PHACTR2: variants seen among roughly 807,000 people sequenced by gnomAD.
PHACTR2 encodes the protein phosphatase and actin regulator 2.
A neutral mutation model predicts 76.0 loss-of-function variants in PHACTR2; 30 were observed. The observed-to-expected ratio is 0.39, with a 90% confidence interval of 0.30 to 0.54. The LOEUF (loss-of-function observed/expected upper bound fraction) is 0.54, where lower values mean the gene tolerates loss of function less well. PHACTR2 is among the 20% of genes least tolerant of loss of function. The probability of loss-of-function intolerance (pLI) is 0.61; values close to 1 mark genes in which losing one functional copy is unlikely to be tolerated. For synonymous variants in PHACTR2, 292 were observed against 292.5 expected (o/e 1.00, Z 0.02); for missense variants, 696 against 781.1 (o/e 0.89, Z 1.30).
rs1778104686 is a variant in PHACTR2 at position 143,708,678 on chromosome 6, C to T, written c.47-3338C>T. 6.6e-6 allele frequency among the ~76,000 whole-genome samples: 1 copy of T among 152,144 alleles called. No homozygotes were observed. The highest frequency in any genetic ancestry group is 6.5e-5 in the Admixed American group (1 of 15,274). On this transcript the variant is annotated intron_variant, in intron 1 of 12. Coordinates refer to ENST00000440869, the MANE Select transcript of PHACTR2 (RefSeq NM_001100164.2). The surrounding 1 kb of genome is among the most constrained non-coding windows in gnomAD (Gnocchi z 5.5). ...CTAAAGAGGAGAGTTAATATTCTGC[C>T]CATACTACTCAAAAGCAGATGACAG... is the stretch of plus-strand genomic sequence containing the variant.
chr6:143,774,187 C>T lies in PHACTR2; in HGVS notation c.1561C>T (p.Arg521Ter), dbSNP rs781238513. ...RTSEEERQEI[R>*]QQIGTKLVRR... is the part of the protein sequence containing the mutation. ...ATCTGAAGAAGAGAGGCAGGAAATC[C>T]GACAACAAATTGGAACCAAGTTAGT... is the stretch of plus-strand genomic sequence containing the variant. The change falls in exon 8 of 13, where the codon CGA becomes TGA. Residue 521 changes from arginine to a stop codon, truncating the protein, a stop_gained. Coordinates refer to ENST00000440869, the MANE Select transcript of PHACTR2 (RefSeq NM_001100164.2). LOFTEE classifies it high-confidence loss of function. The surrounding 1 kb of genome is among the most constrained non-coding windows in gnomAD (Gnocchi z 5.4). 5 of 1,613,946 alleles carry T rather than the reference C, an allele frequency of 3.1e-6. No homozygotes were observed. Among genetic ancestry groups the T allele is most frequent in the Non-Finnish European group, 4.2e-6 (5 of 1,179,914 alleles).
In PHACTR2 at chr6:143,683,202, C is replaced by G. The variant is rs185479903; in HGVS notation, c.46+4993C>G. Among the ~76,000 whole-genome samples the G allele has an allele frequency of 2.6e-5, 4 of 152,144 alleles. No individual in the cohort carries two copies. Among genetic ancestry groups the G allele is most frequent in the Non-Finnish European group, 5.9e-5 (4 of 68,032 alleles). On this transcript the variant is annotated intron_variant, in intron 1 of 12. Coordinates refer to ENST00000440869, the MANE Select transcript of PHACTR2 (RefSeq NM_001100164.2). The surrounding 1 kb of genome is among the most constrained non-coding windows in gnomAD (Gnocchi z 4.1). ...GCATCATGCCCTAGGAGGATTGAGA[C>G]TTCTAGTATTTCATTGTGAAGTGTA...
At chr6:143,759,311 T>G (rs11155323) in intron 4 of PHACTR2, among the ~76,000 whole-genome samples, 44,754 of 152,156 alleles carry the variant, frequency 0.29, 7,706 homozygotes, top group South Asian at 0.38. Flanking sequence ...AAAATAGACC[T>G]AAGTATTTCT....
In PHACTR2 at chr6:143,819,769, G is replaced by A. The variant is rs1776372686; in HGVS notation, c.1923-3905G>A. Among the ~76,000 whole-genome samples, 2 of 152,132 alleles carry A rather than the reference G, an allele frequency of 1.3e-5. No homozygotes were observed. Among genetic ancestry groups the A allele is most frequent in the Admixed American group, 1.3e-4 (2 of 15,274 alleles). The stretch of plus-strand genomic sequence containing the variant: ...GCTGTGGCCACCGACACTGAGGGAA[G>A]ATCTTCCCTACCTAGTCCACTCAGA... On this transcript the variant is annotated intron_variant, in intron 12 of 12. Coordinates refer to ENST00000440869, the MANE Select transcript of PHACTR2 (RefSeq NM_001100164.2). This position sits in a 1 kb window ranked among gnomAD's most constrained non-coding sequence, Gnocchi z 5.0.
intron 12 of PHACTR2, among the ~76,000 whole-genome samples, chr6:143,808,894 C>T (rs1439903440): frequency 1.3e-5 from 2 of 152,086 alleles, no homozygotes; most frequent in African/African-American, 4.8e-5. Context: ...CTTCTAGGGT[C>T]GGGAAAAATG....
rs577973024 is a variant in PHACTR2 at position 143,692,196 on chromosome 6, A to G, written c.46+13987A>G. Among the ~76,000 whole-genome samples the G allele has an allele frequency of 3.3e-5, 5 of 152,300 alleles. No individual in the cohort carries two copies. In the South Asian group the frequency reaches 1.0e-3, roughly 32 times the overall value. ...TTCTGACAACAGCTGGGTGGCTCAC[A>G]GGACTGGGGAGGGCAGTCTAAAGGG... On this transcript the variant is annotated intron_variant, in intron 1 of 12. Transcript: ENST00000440869.
At position 143,550,764 on chromosome 6, in the gene PHACTR2, T is replaced by C. The variant is rs1280054443; in HGVS notation, c.217+13557T>C. ...CAAACAAACAAAGATTAGGGGCGAG[T>C]GCGGTGGCTCACGCCTGTAATCCTA... On this transcript the variant is annotated intron_variant, in intron 1 of 11. Transcript: ENST00000367584. The surrounding 1 kb of genome is among the most constrained non-coding windows in gnomAD (Gnocchi z 4.8). Among the ~76,000 whole-genome samples the C allele has an allele frequency of 6.6e-6, 1 of 150,668 alleles. No homozygotes were observed. The highest frequency in any genetic ancestry group is 2.4e-5 in the African/African-American group (1 of 40,876).
chr6:143,565,548 T>A (rs1425907989), intron 1 of PHACTR2, among the ~76,000 whole-genome samples: 1 of 142,214 alleles, frequency 7.0e-6, no homozygotes, highest in Non-Finnish European at 1.5e-5. Context: ...GAGCTTGCAG[T>A]GAGCCAAGAT....
intron 1 of PHACTR2, among the ~76,000 whole-genome samples, chr6:143,560,887 GTGT>G (rs1775260824): frequency 1.5e-5 from 1 of 66,484 alleles, no homozygotes; most frequent in Non-Finnish European, 4.2e-5. Flanking sequence ...AGAGGGGTGT[GTGT>G]GTGTGTGTGT....
chr6:143,558,569 A>G lies in PHACTR2; in HGVS notation c.217+21362A>G, dbSNP rs918662509. On this transcript the variant is annotated intron_variant, in intron 1 of 11. Coordinates refer to the PHACTR2 transcript ENST00000367584. This position sits in a 1 kb window ranked among gnomAD's most constrained non-coding sequence, Gnocchi z 4.7. ...TCATTTTTTAGGCTACATGGTGGGG[A>G]GACCAGAAAGCTCACTATTTCACTT... 2.0e-5 allele frequency among the ~76,000 whole-genome samples: 3 copies of G among 152,160 alleles called. No individual in the cohort carries two copies. Among genetic ancestry groups the G allele is most frequent in the African/African-American group, 4.8e-5 (2 of 41,442 alleles).
Position 143,685,925 on chromosome 6 carries a change from A to G in PHACTR2, c.46+7716A>G, listed in dbSNP as rs569307425. 3.3e-5 allele frequency among the ~76,000 whole-genome samples: 5 copies of G among 152,236 alleles called. No individual in the cohort carries two copies. In the East Asian group the frequency reaches 7.7e-4, roughly 24 times the overall value. The stretch of plus-strand genomic sequence containing the variant: ...GGCAGGTGGATCACCTGGGGTCAGG[A>G]GTTTGAGACTAGTCTGAACAAAATG... On this transcript the variant is annotated intron_variant, in intron 1 of 12. Transcript: ENST00000440869.
intron 3 of PHACTR2, among the ~76,000 whole-genome samples, chr6:143,749,751 G>C (rs372873019): frequency 2.0e-5 from 3 of 152,026 alleles, no homozygotes; most frequent in Non-Finnish European, 4.4e-5. Context: ...ATAGAAACTG[G>C]TACTGACCCT....
chr6:143,627,210 T>A lies in PHACTR2; in HGVS notation c.13+18888T>A, dbSNP rs192790199. ...AAGGGTGATGATATTTGGGCTGGGA[T>A]GTTTGAAGAACAGGTTCAAGTTTGC... On this transcript the variant is annotated intron_variant, in intron 1 of 11. Transcript: ENST00000305766. This position sits in a 1 kb window ranked among gnomAD's most constrained non-coding sequence, Gnocchi z 4.3. Among the ~76,000 whole-genome samples the A allele has an allele frequency of 2.8e-4, 43 of 152,352 alleles. No homozygotes were observed. The highest frequency in any genetic ancestry group is 8.7e-4 in the African/African-American group (36 of 41,582).
chr6:143,760,690 C>G lies in PHACTR2; in HGVS notation c.694+50C>G. 6.3e-7 allele frequency: 1 copy of G among 1,590,136 alleles called. No homozygotes were observed. Among genetic ancestry groups the G allele is most frequent in the Non-Finnish European group, 8.6e-7 (1 of 1,167,792 alleles). The stretch of plus-strand genomic sequence containing the variant: ...GGGGTCACTTCTAGGGTGCTTGGCT[C>G]TGGGATGGGGCTAATTGTTTCTTCT... On this transcript the variant is annotated intron_variant, in intron 5 of 12. Transcript: ENST00000440869. This position sits in a 1 kb window ranked among gnomAD's most constrained non-coding sequence, Gnocchi z 6.4.
intron 1 of PHACTR2, among the ~76,000 whole-genome samples, chr6:143,594,760 C>T (rs979645808): frequency 1.6e-4 from 25 of 152,352 alleles, no homozygotes; most frequent in African/African-American, 5.3e-4. Context: ...GTTTGCCGTC[C>T]ATGGATCTGG....
chr6:143,567,002 C>T (rs1482812431), intron 1 of PHACTR2, among the ~76,000 whole-genome samples: 3 of 152,078 alleles, frequency 2.0e-5, no homozygotes, highest in East Asian at 1.9e-4. Context: ...CCTTTTGAAG[C>T]GTCTCTGTAG....
At chr6:143,612,084 T>C (rs943527909) in intron 1 of PHACTR2, among the ~76,000 whole-genome samples, 8 of 152,212 alleles carry the variant, frequency 5.3e-5, no homozygotes, top group African/African-American at 1.2e-4. Context: ...GCCATAGTAG[T>C]TGGTTCACTG....
Position 143,537,145 on chromosome 6 carries a change from A to T in PHACTR2, c.155A>T (p.Gln52Leu). The change falls in exon 1 of 12, where the codon CAG becomes CTG. Residue 52 changes from glutamine to leucine, a missense_variant. Gln to Leu is a moderately radical substitution (Grantham distance 113, BLOSUM62 -2). Coordinates refer to the PHACTR2 transcript ENST00000367584. The surrounding 1 kb of genome is among the most constrained non-coding windows in gnomAD (Gnocchi z 4.4). ...GACCCGAGCCCCCGCGGCCGCTCAC[A>T]GAGCGACCTCTCGTCGTCCTCGAGC... The T allele has an allele frequency of 3.0e-6, 1 of 331,934 alleles. No individual in the cohort carries two copies. The highest frequency in any genetic ancestry group is 3.3e-5 in the South Asian group (1 of 30,112). 20.6% of individuals were successfully genotyped at this position (331,934 alleles called of 1,614,324 possible). A position where few individuals can be genotyped will look rare whatever the true frequency, so the allele number is the denominator to read the frequency against.
intron 1 of PHACTR2, among the ~76,000 whole-genome samples, chr6:143,569,768 A>C (rs1466025336): frequency 6.6e-6 from 1 of 152,216 alleles, no homozygotes. Flanking sequence ...CTTCTTTTAC[A>C]ATAACATTGG....
Sources: gnomAD v4.1 joint callset for allele counts (sites outside exome capture counted in the v4.1 genomes callset) on GRCh38, gnomAD v4.1.1 for gene constraint, Gnocchi (gnomAD v3.1) non-coding constraint, MANE v1.5 for transcripts, NCBI Gene and HGNC (gene_info 2026-07-23, HGNC 2026-07-21) for gene names.